The following RNF220 variants were observed in gnomAD, a reference collection of about 807,000 sequenced individuals.
The protein encoded by RNF220 is E3 ubiquitin-protein ligase RNF220.
A neutral mutation model predicts 67.1 loss-of-function variants in RNF220; 7 were observed. The ratio of observed to expected loss-of-function variants is 0.10; its 90% CI spans 0.06 to 0.20. The LOEUF is 0.20. Ranked by LOEUF, RNF220 falls within the 10% of genes least tolerant of loss-of-function variation. RNF220 has a pLI of 1.00. For missense variants in RNF220, 565 were observed against 740.3 expected, an observed-to-expected ratio of 0.76 and a Z score of 2.75; for synonymous variants, 270 against 283.2, an observed-to-expected ratio of 0.95 and a Z score of 0.47.
intron 2 of RNF220, among the ~76,000 whole-genome samples, chr1:44,424,495 C>A (rs1337528237): frequency 6.6e-6 from 1 of 151,944 alleles, no homozygotes; most frequent in Non-Finnish European, 1.5e-5. Flanking sequence ...GTGAAAGTCT[C>A]GGGGGAAGGT....
chr1:44,494,458 C>T (rs1258919681), intron 2 of RNF220, among the ~76,000 whole-genome samples: 3 of 152,044 alleles, frequency 2.0e-5, no homozygotes, highest in African/African-American at 7.2e-5. Context: ...AAATGTTCCT[C>T]TCTAGGGAGC....
At chr1:44,632,198 G>T in intron 5 of RNF220, 145 bp from the exon 6 acceptor site, 1 of 1,596,350 alleles carries the variant, frequency 6.3e-7, no homozygotes, top group Non-Finnish European at 8.5e-7. Flanking sequence ...GGGGCCGGCG[G>T]GAGGGAGGAA....
chr1:44,501,904 T>A (rs2148087686), intron 2 of RNF220, among the ~76,000 whole-genome samples: 1 of 152,202 alleles, frequency 6.6e-6, no homozygotes. Context: ...TATTATACTC[T>A]TTGAAATAGG....
intron 2 of RNF220, among the ~76,000 whole-genome samples, chr1:44,560,673 T>G (rs964589125): frequency 6.6e-6 from 1 of 152,226 alleles, no homozygotes; most frequent in African/African-American, 2.4e-5. Flanking sequence ...GCGATTCTCC[T>G]GCCTCAGCCA....
chr1:44,448,644 AC>A (rs1652348235), intron 2 of RNF220, among the ~76,000 whole-genome samples: 1 of 152,236 alleles, frequency 6.6e-6, no homozygotes, highest in Non-Finnish European at 1.5e-5. Context: ...GATTTAGGAA[AC>A]TTCTCAAGCA....
intron 2 of RNF220, among the ~76,000 whole-genome samples, chr1:44,567,661 C>T (rs1302778430): frequency 6.6e-6 from 1 of 152,044 alleles, no homozygotes; most frequent in Non-Finnish European, 1.5e-5. Context: ...CTGAGGTGGC[C>T]ACTAAGACCC....
chr1:44,550,021 G>C (rs1243326022), intron 2 of RNF220, among the ~76,000 whole-genome samples: 1 of 152,246 alleles, frequency 6.6e-6, no homozygotes, highest in Admixed American at 6.5e-5. Context: ...GCTCTGCGAG[G>C]ACCTAGAGCC....
intron 2 of RNF220, among the ~76,000 whole-genome samples, chr1:44,499,894 G>T (rs2148077962): frequency 6.7e-6 from 1 of 148,364 alleles, no homozygotes; most frequent in Non-Finnish European, 1.5e-5. Context: ...CTTCCAGTTG[G>T]ATCAGGCCAA....
intron 2 of RNF220, among the ~76,000 whole-genome samples, chr1:44,538,918 GAAAAA>G (rs35240810): frequency 2.6e-5 from 2 of 77,884 alleles, no homozygotes; most frequent in African/African-American, 1.0e-4. Context: ...TCCATCTAGG[GAAAAA>G]AAAAAAAAAA....
At chr1:44,466,789 CAG>C (rs1654312615) in intron 2 of RNF220, among the ~76,000 whole-genome samples, 2 of 152,188 alleles carry the variant, frequency 1.3e-5, no homozygotes, top group South Asian at 4.1e-4. Flanking sequence ...ATGCTATAAA[CAG>C]ATGTGCTGTC....
intron 2 of RNF220, among the ~76,000 whole-genome samples, chr1:44,561,101 G>A (rs1406877190): frequency 6.6e-6 from 1 of 152,240 alleles, no homozygotes. Context: ...AGTCTAGGAG[G>A]TACCTGTACA....
intron 2 of RNF220, among the ~76,000 whole-genome samples, chr1:44,539,051 T>C (rs1295302089): frequency 1.3e-5 from 2 of 151,146 alleles, no homozygotes; most frequent in Non-Finnish European, 2.9e-5. Context: ...CGAAACCCCG[T>C]CTCTACTAAA....
rs956076350 is a variant in RNF220 at position 44,650,235 on chromosome 1, G to A, written c.1629+278G>A. 4.4e-4 allele frequency: 241 copies of A among 552,634 alleles called. No individual in the cohort carries two copies. The highest frequency in any genetic ancestry group is 5.5e-4 in the Non-Finnish European group (172 of 310,030). 34.2% of individuals were successfully genotyped at this position (552,634 alleles called of 1,614,324 possible). A position where few individuals can be genotyped will look rare whatever the true frequency, so the allele number is the denominator to read the frequency against. On this transcript the variant is annotated intron_variant, in intron 14 of 14. Transcript: ENST00000361799. This position sits in a 1 kb window ranked among gnomAD's most constrained non-coding sequence, Gnocchi z 4.3. ...CCCACTGCATCACACAGACTGGTGA[G>A]GCCTGGGGTCAGGAGGAGGCTGGCT...
intron 8 of RNF220, among the ~76,000 whole-genome samples, chr1:44,641,045 A>T (rs1644474326): frequency 6.7e-6 from 1 of 150,198 alleles, no homozygotes. Flanking sequence ...ATTAACACTG[A>T]TTTTTTTTTT....
chr1:44,467,897 C>T, intron 2 of RNF220, among the ~76,000 whole-genome samples: 1 of 151,988 alleles, frequency 6.6e-6, no homozygotes, highest in Non-Finnish European at 1.5e-5. Flanking sequence ...TTGAGAGGTC[C>T]TTGTAGGGTT....
chr1:44,493,286 C>T (rs1008015344), intron 2 of RNF220, among the ~76,000 whole-genome samples: 18 of 152,156 alleles, frequency 1.2e-4, no homozygotes, highest in East Asian at 1.9e-4. Context: ...GAGGCCGAGG[C>T]GGGTGGATCA....
At chr1:44,507,735 G>T (rs188654735) in intron 2 of RNF220, among the ~76,000 whole-genome samples, 2 of 152,168 alleles carry the variant, frequency 1.3e-5, no homozygotes, top group African/African-American at 2.4e-5. Context: ...TGAAGTGGCC[G>T]GTGTGGGCGG....
chr1:44,483,398 A>G (rs1656011250), intron 2 of RNF220, among the ~76,000 whole-genome samples: 1 of 152,228 alleles, frequency 6.6e-6, no homozygotes, highest in Admixed American at 6.5e-5. Flanking sequence ...CCAGGCTCAC[A>G]GCACTATTTT....
intron 2 of RNF220, among the ~76,000 whole-genome samples, chr1:44,463,124 G>A (rs1206120692): frequency 2.0e-5 from 3 of 152,080 alleles, no homozygotes; most frequent in Admixed American, 6.5e-5. Context: ...ATCACCTGAG[G>A]TCGGGAGTTT....
Sources: gnomAD v4.1 joint callset for allele counts (sites outside exome capture counted in the v4.1 genomes callset) on GRCh38, gnomAD v4.1.1 for gene constraint, Gnocchi (gnomAD v3.1) non-coding constraint, MANE v1.5 for transcripts, NCBI Gene and HGNC (gene_info 2026-07-23, HGNC 2026-07-21) for gene names.